Variants in DNAH6 observed in about 807,000 individuals in gnomAD.
DNAH6 encodes the protein axonemal beta dynein heavy chain 6.
DNAH6 carries 340 observed loss-of-function variants against 491.4 expected under a neutral mutation model. That is an observed-to-expected ratio of 0.69 (90% CI 0.63 to 0.76). The LOEUF is 0.76. DNAH6 is among the 30% of genes least tolerant of loss of function. The pLI is 0.00. For synonymous variants in DNAH6, 1,603 were observed against 1,686.1 expected, an observed-to-expected ratio of 0.95 and a Z score of 1.21; for missense variants, 4,443 against 4,972.2, an observed-to-expected ratio of 0.89 and a Z score of 3.20.
intron 68 of DNAH6, among the ~76,000 whole-genome samples, chr2:84,793,709 A>G (rs1310533691): frequency 1.3e-5 from 2 of 152,220 alleles, no homozygotes; most frequent in African/African-American, 2.4e-5. Context: ...TTGCCGATAC[A>G]GGGATTCAGC....
chr2:84,507,814 G>A, the DNAH6 span, among the ~76,000 whole-genome samples: 29 of 152,224 alleles, frequency 1.9e-4, no homozygotes, highest in South Asian at 1.7e-3. Context: ...TTCTGCATCT[G>A]TTGAGATAAT....
At position 84,715,636 on chromosome 2, in the gene DNAH6, A is replaced by G. The variant is rs535537517; in HGVS notation, c.9611+9A>G. Reference sequence around the variant, plus strand: ...GAGGATCAGTTGTTAAGGTAAAAAAACAGGGAGTTGAGGGGAGGGAAGGGG... The same window carrying G: ...GAGGATCAGTTGTTAAGGTAAAAAAGCAGGGAGTTGAGGGGAGGGAAGGGG... On this transcript the variant is annotated intron_variant, in intron 58 of 76. Coordinates refer to ENST00000389394, the MANE Select transcript of DNAH6 (RefSeq NM_001370.2). 6.3e-5 allele frequency: 98 copies of G among 1,551,300 alleles called. No individual in the cohort carries two copies. In the East Asian group the frequency reaches 6.8e-4, roughly 11 times the overall value.
At chr2:84,701,881 C>T (rs1043483213) in intron 49 of DNAH6, among the ~76,000 whole-genome samples, 1 of 152,152 alleles carries the variant, frequency 6.6e-6, no homozygotes, top group Non-Finnish European at 1.5e-5. Flanking sequence ...ATGACATGTG[C>T]CCCTGACAAC....
In DNAH6 at chr2:84,706,966, T is replaced by C. The variant is rs1456486530; in HGVS notation, c.8798T>C (p.Ile2933Thr). 4 of 1,541,466 alleles carry C rather than the reference T, an allele frequency of 2.6e-6. No homozygotes were observed. The highest frequency in any genetic ancestry group is 3.5e-6 in the Non-Finnish European group (4 of 1,145,040). ...TTACTAAGACAAGTAGAAGATCAAA[T>C]ACAGGCCTTACAAGATGAATATGAC... ...QALLRQVEDQ[I>T]QALQDEYDKG... The change falls in exon 53 of 77, where the codon ATA (isoleucine) becomes ACA (threonine). Residue 2933 changes from isoleucine to threonine, a missense_variant. Ile to Thr is a moderately conservative substitution (Grantham distance 89). Coordinates refer to ENST00000389394, the MANE Select transcript of DNAH6 (RefSeq NM_001370.2).
intron 64 of DNAH6, among the ~76,000 whole-genome samples, chr2:84,776,050 T>C (rs1246480179): frequency 6.6e-6 from 1 of 152,224 alleles, no homozygotes; most frequent in African/African-American, 2.4e-5. Context: ...TTGTATTGTT[T>C]ATATGTAGAT....
intron 40 of DNAH6, among the ~76,000 whole-genome samples, chr2:84,673,129 T>C (rs1692900597): frequency 1.3e-5 from 2 of 151,990 alleles, no homozygotes; most frequent in South Asian, 2.1e-4. Flanking sequence ...AAGTGATGGA[T>C]TCTGAAGGCA....
rs1674211459 is a variant in DNAH6 at position 84,757,987 on chromosome 2, C to T, written c.10513-4768C>T. Among the ~76,000 whole-genome samples, 2 of 152,182 alleles carry T rather than the reference C, an allele frequency of 1.3e-5. 1 individual carries two copies. The highest frequency in any genetic ancestry group is 4.1e-4 in the South Asian group (2 of 4,828). ...ATATGTATTGGGTGACTAGAGCCCA[C>T]ATGAGGGTATGTTTTATGCACATTT... On this transcript the variant is annotated intron_variant, in intron 63 of 76. Coordinates refer to ENST00000389394, the MANE Select transcript of DNAH6 (RefSeq NM_001370.2).
intron 40 of DNAH6, among the ~76,000 whole-genome samples, chr2:84,674,594 T>G (rs1558890910): frequency 6.6e-6 from 1 of 152,196 alleles, no homozygotes; most frequent in Admixed American, 6.5e-5. Flanking sequence ...GATGAACGCA[T>G]ATTCAGTTCC....
At chr2:84,597,549 C>T (rs113092761) in intron 18 of DNAH6, among the ~76,000 whole-genome samples, 3 of 152,158 alleles carry the variant, frequency 2.0e-5, no homozygotes, top group African/African-American at 7.2e-5. Flanking sequence ...AATAATCTGG[C>T]AGTTTGTTCA....
intron 72 of DNAH6, among the ~76,000 whole-genome samples, chr2:84,809,358 G>A (rs984101937): frequency 1.3e-5 from 2 of 152,204 alleles, no homozygotes; most frequent in African/African-American, 4.8e-5. Context: ...GACCATTTCT[G>A]TTCCCTATCA....
Position 84,701,237 on chromosome 2 carries a change from C to A in DNAH6, c.7959C>A (p.Tyr2653Ter), listed in dbSNP as rs1359801660. 6.4e-7 allele frequency: 1 copy of A among 1,551,806 alleles called. No homozygotes were observed. Among genetic ancestry groups the A allele is most frequent in the Non-Finnish European group, 8.7e-7 (1 of 1,147,012 alleles). The change falls in exon 49 of 77, where the codon TAC becomes TAA. Residue 2653 changes from tyrosine (Y) to a stop codon, truncating the protein, a stop_gained. Transcript: ENST00000389394. LOFTEE classifies it high-confidence loss of function. Reference sequence around the variant, plus strand: ...TCTCCAGCATGGCAGAGCGCTATTACAATGAGCTGCGCAGGCGGTACTACA... The same window carrying A: ...TCTCCAGCATGGCAGAGCGCTATTAAAATGAGCTGCGCAGGCGGTACTACA... ...LSVSSMAERY[Y>*]NELRRRYYTT...
At position 84,697,656 on chromosome 2, in the gene DNAH6, C is replaced by A; in HGVS notation, c.7606C>A (p.Leu2536Met). 1 of 1,551,906 alleles carries A rather than the reference C, an allele frequency of 6.4e-7. No individual in the cohort carries two copies. The highest frequency in any genetic ancestry group is 8.7e-7 in the Non-Finnish European group (1 of 1,147,024). Reference sequence around the variant, plus strand: ...GCCTAATTTATTTGAAAAGGATGAACTGGAGCAGGTTTTAGCGGCCACCAG... The same window carrying A: ...GCCTAATTTATTTGAAAAGGATGAAATGGAGCAGGTTTTAGCGGCCACCAG... Reference protein sequence around the residue: ...EVPNLFEKDELEQVLAATRPR... With the variant: ...EVPNLFEKDEMEQVLAATRPR... Residue 2536 changes from leucine (L) to methionine (M), a missense_variant, in exon 47 of 77, where the codon CTG becomes ATG. Transcript: ENST00000389394.
At position 84,776,082 on chromosome 2, in the gene DNAH6, G is replaced by A. The variant is rs531881230; in HGVS notation, c.10704-5411G>A. On this transcript the variant is annotated intron_variant, in intron 64 of 76. Transcript: ENST00000389394. Reference sequence around the variant, plus strand: ...AGATCTTTTCACATTATATTGTAATGTACACTATTGACATATATAGATCAC... The same window carrying A: ...AGATCTTTTCACATTATATTGTAATATACACTATTGACATATATAGATCAC... Among the ~76,000 whole-genome samples, 8 of 152,104 alleles carry A rather than the reference G, an allele frequency of 5.3e-5. No individual in the cohort carries two copies. The East Asian group carries it at 1.5e-3, about 29-fold the overall frequency.
rs575729787 is a variant in DNAH6, at chr2:84,688,568, C to A, written c.7267C>A (p.Gln2423Lys). 1 of 1,543,474 alleles carries A rather than the reference C, an allele frequency of 6.5e-7. No individual in the cohort carries two copies. ...CAAAGAAGTAAAGTTGGTGTTCTTC[C>A]AGGATGCTATAGAACATGTTTCAAG... is the stretch of plus-strand genomic sequence containing the variant. ...NPKEVKLVFFQDAIEHVSRIA... is the reference protein window; with the variant it reads ...NPKEVKLVFFKDAIEHVSRIA... The change falls in exon 45 of 77, where the codon CAG becomes AAG. Residue 2423 changes from glutamine (Q) to lysine (K), a missense_variant. Physicochemically the swap from Gln to Lys is moderately conservative, Grantham distance 53. Around this residue, in one of 3 missense-constraint regions of DNAH6, gnomAD observed 2,977 missense variants for 3,296.6 expected, o/e 0.90. Coordinates refer to ENST00000389394, the MANE Select transcript of DNAH6 (RefSeq NM_001370.2).
chr2:84,697,712 G>A lies in DNAH6; in HGVS notation c.7662G>A (p.Glu2554=). The A allele has an allele frequency of 6.4e-7, 1 of 1,551,734 alleles. No homozygotes were observed. The highest frequency in any genetic ancestry group is 2.4e-5 in the East Asian group (1 of 40,914). The stretch of plus-strand genomic sequence containing the variant: ...GAGCAAAAGAAGTAGGAATTTCTGA[G>A]GGGAACAGAGACGAGGTAGGATGTG... ...RPRAKEVGIS[E]GNRDEVFQYF... Residue 2554 remains glutamate, a synonymous_variant, in exon 47 of 77, where the codon GAG becomes GAA. Coordinates refer to ENST00000389394, the MANE Select transcript of DNAH6 (RefSeq NM_001370.2).
intron 37 of DNAH6, among the ~76,000 whole-genome samples, chr2:84,663,728 A>G (rs1265354466): frequency 1.3e-5 from 2 of 152,206 alleles, no homozygotes; most frequent in Non-Finnish European, 2.9e-5. Flanking sequence ...CAACATTCAG[A>G]TTCAGGAAAT....
chr2:84,678,184 T>C (rs562439662), intron 41 of DNAH6, among the ~76,000 whole-genome samples: 1 of 152,230 alleles, frequency 6.6e-6, no homozygotes, highest in African/African-American at 2.4e-5. Context: ...ATAAGCTGTT[T>C]AGGAGCTAAT....
chr2:84,783,515 A>G (rs1035858108), intron 65 of DNAH6, among the ~76,000 whole-genome samples: 4 of 152,238 alleles, frequency 2.6e-5, no homozygotes, highest in African/African-American at 9.6e-5. Flanking sequence ...AGTTTTTACT[A>G]TGCAAACAGT....
intron 39 of DNAH6, among the ~76,000 whole-genome samples, chr2:84,671,428 G>A (rs1409925210): frequency 1.3e-5 from 2 of 152,100 alleles, no homozygotes; most frequent in Non-Finnish European, 2.9e-5. Flanking sequence ...CTCTGGGGTG[G>A]TGCACCAGCC....
Sources: gnomAD v4.1 joint callset for allele counts (sites outside exome capture counted in the v4.1 genomes callset) on GRCh38, gnomAD v4.1.1 for gene constraint, gnomAD v4.1.1 regional missense constraint, MANE v1.5 for transcripts, NCBI Gene and HGNC (gene_info 2026-07-23, HGNC 2026-07-21) for gene names.